RERE: variants seen among roughly 807,000 people sequenced by gnomAD.
RERE encodes arginine-glutamic acid dipeptide repeats protein.
Under a neutral mutation model 146.1 loss-of-function variants are expected in RERE, and 40 were observed. The ratio of observed to expected loss-of-function variants is 0.27; its 90% CI spans 0.21 to 0.36. RERE has a LOEUF of 0.36. Ranked by LOEUF, RERE falls within the 10% of genes least tolerant of loss-of-function variation. The pLI, the probability that RERE is intolerant of heterozygous loss-of-function variation, is 1.00. For synonymous variants in RERE, 1,003 were observed against 866.0 expected (o/e 1.16, Z -2.78); for missense variants, 1,933 against 2,138.7 (o/e 0.90, Z 1.90).
Position 8,359,318 on chromosome 1 carries a change from GCCA to G in RERE, c.3619-405_3619-403del, listed in dbSNP as rs549172974. 3.5e-4 allele frequency among the ~76,000 whole-genome samples: 54 copies of G among 152,278 alleles called. 1 individual carries two copies. In the South Asian group the frequency reaches 8.7e-3, roughly 25 times the overall value. On this transcript the variant is annotated intron_variant, in intron 19 of 22. Transcript: ENST00000400908. ...TCCTCCCCGCGACAGCAGAGAGCTG[GCCA>G]CCACCACAGCACCCAGCCCACGAGG...
intron 4 of RERE, among the ~76,000 whole-genome samples, chr1:8,596,353 A>G (rs995578896): frequency 6.6e-6 from 1 of 152,352 alleles, no homozygotes; most frequent in East Asian, 1.9e-4. Flanking sequence ...TTCATGAGAC[A>G]TAAGATTTGT....
intron 12 of RERE, among the ~76,000 whole-genome samples, chr1:8,388,925 G>A: frequency 6.6e-6 from 1 of 152,122 alleles, no homozygotes; most frequent in East Asian, 1.9e-4. Context: ...TAAAGGTGCT[G>A]TCCGAGCTCC....
At position 8,719,284 on chromosome 1, in the gene RERE, T is replaced by A. The variant is rs557613085; in HGVS notation, c.-144-62843A>T. Among the ~76,000 whole-genome samples, 42 of 152,284 alleles carry A rather than the reference T, an allele frequency of 2.8e-4. No individual in the cohort carries two copies. In the South Asian group the frequency reaches 8.5e-3, roughly 31 times the overall value. ...TCAGTCACCACTAGGGAGAGCACAG[T>A]GGAGCCACACAGCAGCTGGGCAATG... On this transcript the variant is annotated intron_variant, in intron 1 of 22. Coordinates refer to ENST00000400908, the MANE Select transcript of RERE (RefSeq NM_001042681.2).
chr1:8,750,709 G>T, intron 1 of RERE: 1 of 809,362 alleles, frequency 1.2e-6, no homozygotes, highest in Admixed American at 1.7e-5. Flanking sequence ...TTGTCATCAG[G>T]ACCAGAGGTA....
At chr1:8,442,197 C>T (rs1169885203) in intron 11 of RERE, among the ~76,000 whole-genome samples, 1 of 152,056 alleles carries the variant, frequency 6.6e-6, no homozygotes, top group Non-Finnish European at 1.5e-5. Flanking sequence ...CCAGCCTGGC[C>T]ACCATGGCGA....
At chr1:8,684,899 T>G (rs1639051529) in intron 1 of RERE, among the ~76,000 whole-genome samples, 1 of 152,198 alleles carries the variant, frequency 6.6e-6, no homozygotes, top group African/African-American at 2.4e-5. Context: ...CACTCTGTGA[T>G]CCAGGCTGGA....
chr1:8,706,359 T>C (rs149649662), intron 1 of RERE, among the ~76,000 whole-genome samples: 7 of 152,246 alleles, frequency 4.6e-5, no homozygotes, highest in Admixed American at 3.3e-4. Context: ...TATAAAATAA[T>C]TGTGCCTGGG....
intron 10 of RERE, among the ~76,000 whole-genome samples, chr1:8,480,003 G>A (rs777071742): frequency 3.0e-4 from 45 of 152,144 alleles, no homozygotes; most frequent in Non-Finnish European, 2.2e-4. Flanking sequence ...GGCCTGATTT[G>A]TTCTAACAAT....
chr1:8,423,459 G>T lies in RERE; in HGVS notation c.1204-652C>A. 1.2e-6 allele frequency: 1 copy of T among 837,614 alleles called. No homozygotes were observed. The highest frequency in any genetic ancestry group is 1.4e-6 in the Non-Finnish European group (1 of 694,770). The allele number at this position is 837,614 out of a possible 1,614,324, so 51.9% of individuals were successfully genotyped here. A position where few individuals can be genotyped will look rare whatever the true frequency, so the allele number is the denominator to read the frequency against. ...GCCGCCCCCATCCATTTTCGCAGCA[G>T]ACTCGTCCCTAACCCCAGCCCGGAG... On this transcript the variant is annotated intron_variant, in intron 11 of 22. Transcript: ENST00000400908. The surrounding 1 kb of genome is among the most constrained non-coding windows in gnomAD (Gnocchi z 5.4).
chr1:8,574,340 CTT>C (rs35921166), intron 4 of RERE, among the ~76,000 whole-genome samples: 79 of 87,220 alleles, frequency 9.1e-4, no homozygotes, highest in African/African-American at 3.4e-3. Context: ...TATATATAGT[CTT>C]TTTTTTTTTT....
At chr1:8,472,325 A>C (rs1019400377) in intron 10 of RERE, among the ~76,000 whole-genome samples, 2 of 152,220 alleles carry the variant, frequency 1.3e-5, no homozygotes, top group African/African-American at 4.8e-5. Flanking sequence ...CATTACGTAG[A>C]TTTCAAATTC....
At position 8,361,094 on chromosome 1, in the gene RERE, C is replaced by T; in HGVS notation, c.2413G>A (p.Ala805Thr). The change falls in exon 18 of 23, where the codon GCC (alanine) becomes ACC (threonine). Residue 805 changes from alanine to threonine, a missense_variant. Transcript: ENST00000400908. ...GAGGGCGGCCGCTGGGGGTGCAAGGCCGGTGCCTGTTGGATGTGGGTGTGG... is the reference window on the plus strand; with the variant it reads ...GAGGGCGGCCGCTGGGGGTGCAAGGTCGGTGCCTGTTGGATGTGGGTGTGG... ...VPHTHIQQAP[A>T]LHPQRPPSPH... is the part of the protein sequence containing the mutation. The T allele has an allele frequency of 6.9e-7, 1 of 1,439,990 alleles. No homozygotes were observed. 89.2% of individuals were successfully genotyped at this position (1,439,990 alleles called of 1,614,324 possible). A position where few individuals can be genotyped will look rare whatever the true frequency, so the allele number is the denominator to read the frequency against.
intron 1 of RERE, among the ~76,000 whole-genome samples, chr1:8,708,656 C>A (rs926854863): frequency 9.9e-5 from 15 of 152,054 alleles, no homozygotes; most frequent in African/African-American, 3.4e-4. Context: ...GGGAGTCTCC[C>A]TGCACAACCT....
chr1:8,601,327 C>G (rs1646622661), intron 4 of RERE, among the ~76,000 whole-genome samples: 1 of 151,982 alleles, frequency 6.6e-6, no homozygotes. Context: ...CAAGCCAATA[C>G]TTTTTAATTC....
At chr1:8,414,164 C>T (rs1213072346) in intron 12 of RERE, among the ~76,000 whole-genome samples, 1 of 152,026 alleles carries the variant, frequency 6.6e-6, no homozygotes, top group African/African-American at 2.4e-5. Context: ...CCCTTATTCA[C>T]CTCAGACATC....
chr1:8,595,033 C>T (rs896123529), intron 4 of RERE, among the ~76,000 whole-genome samples: 1 of 151,794 alleles, frequency 6.6e-6, no homozygotes, highest in Non-Finnish European at 1.5e-5. Flanking sequence ...GTGGCATGTG[C>T]TTGTGTGGTC....
Position 8,358,473 on chromosome 1 carries a change from G to C in RERE, c.4062C>G (p.Thr1354=). Residue 1354 remains threonine (T), a synonymous_variant, in exon 20 of 23, where the codon ACC becomes ACG. Coordinates refer to ENST00000400908, the MANE Select transcript of RERE (RefSeq NM_001042681.2). The stretch of plus-strand genomic sequence containing the variant: ...GGTGGGGCCCGGCGGTCGGGGGGAT[G>C]GTGAGGGCGCTGTGCCGGGCAAAGT... ...MEHFARHSAL[T]IPPTAGPHPF... 1 of 1,584,874 alleles carries C rather than the reference G, an allele frequency of 6.3e-7. No homozygotes were observed. The highest frequency in any genetic ancestry group is 8.6e-7 in the Non-Finnish European group (1 of 1,163,298).
chr1:8,397,444 C>T (rs1643094269), intron 12 of RERE, among the ~76,000 whole-genome samples: 1 of 148,206 alleles, frequency 6.7e-6, no homozygotes, highest in Non-Finnish European at 1.5e-5. Context: ...CCCCAAACCC[C>T]CAGAGAATAA....
intron 12 of RERE, among the ~76,000 whole-genome samples, chr1:8,421,030 T>C (rs1345764166): frequency 6.6e-6 from 1 of 152,216 alleles, no homozygotes; most frequent in African/African-American, 2.4e-5. Context: ...TAAGTAAAAT[T>C]ACCGAGCATT....
Sources: gnomAD v4.1 joint callset for allele counts (sites outside exome capture counted in the v4.1 genomes callset) on GRCh38, gnomAD v4.1.1 for gene constraint, Gnocchi (gnomAD v3.1) non-coding constraint, MANE v1.5 for transcripts, NCBI Gene and HGNC (gene_info 2026-07-23, HGNC 2026-07-21) for gene names.